The following PRKCA variants were observed in gnomAD, a reference collection of about 807,000 sequenced individuals.
PRKCA encodes the protein protein kinase C alpha type.
PRKCA carries 27 observed loss-of-function variants against 87.0 expected under a neutral mutation model. The observed-to-expected ratio is 0.31, with a 90% CI of 0.23 to 0.43. The LOEUF is 0.43. Ranked by LOEUF, PRKCA falls within the 20% of genes least tolerant of loss-of-function variation. The pLI is 1.00. For missense variants in PRKCA, 518 were observed against 852.3 expected, an observed-to-expected ratio of 0.61 and a Z score of 4.88; for synonymous variants, 329 against 311.1, an observed-to-expected ratio of 1.06 and a Z score of -0.61.
chr17:66,570,601 A>T (rs543679389), intron 3 of PRKCA, among the ~76,000 whole-genome samples: 3 of 152,152 alleles, frequency 2.0e-5, no homozygotes, highest in African/African-American at 7.2e-5. Context: ...ATATTGCTAA[A>T]TCACTTTCTT....
In PRKCA at chr17:66,435,495, C is replaced by T. The variant is rs935425041; in HGVS notation, c.206-60706C>T. The stretch of plus-strand genomic sequence containing the variant: ...GACGCACTCACGGAATCACAGATGC[C>T]GCCTACAAAAGGTATCTATAAGGTA... On this transcript the variant is annotated intron_variant, in intron 2 of 16. Coordinates refer to ENST00000413366, the MANE Select transcript of PRKCA (RefSeq NM_002737.3). Among the ~76,000 whole-genome samples the T allele has an allele frequency of 2.0e-5, 3 of 152,086 alleles. 1 individual carries two copies. Among genetic ancestry groups the T allele is most frequent in the South Asian group, 4.1e-4 (2 of 4,824 alleles).
intron 3 of PRKCA, among the ~76,000 whole-genome samples, chr17:66,547,024 T>C (rs529510138): frequency 6.6e-6 from 1 of 152,336 alleles, no homozygotes; most frequent in South Asian, 2.1e-4. Flanking sequence ...CTACTACTAC[T>C]GACTAAGGTG....
intron 2 of PRKCA, among the ~76,000 whole-genome samples, chr17:66,321,879 G>A (rs1905691450): frequency 6.6e-6 from 1 of 152,134 alleles, no homozygotes; most frequent in African/African-American, 2.4e-5. Context: ...GAAGGGCTGA[G>A]GGGACTTGTA....
At chr17:66,744,468 G>T (rs962970034) in intron 13 of PRKCA, among the ~76,000 whole-genome samples, 3 of 152,152 alleles carry the variant, frequency 2.0e-5, no homozygotes, top group Admixed American at 1.3e-4. Context: ...TAGGAATAAA[G>T]GTGGCATTGA....
chr17:66,444,035 C>G (rs1442650435), intron 2 of PRKCA, among the ~76,000 whole-genome samples: 2 of 152,146 alleles, frequency 1.3e-5, no homozygotes, highest in Non-Finnish European at 2.9e-5. Flanking sequence ...GTCTCAGTTT[C>G]TCATTCTGTA....
At chr17:66,432,931 C>T (rs535715626) in intron 2 of PRKCA, among the ~76,000 whole-genome samples, 1 of 152,212 alleles carries the variant, frequency 6.6e-6, no homozygotes, top group Admixed American at 6.5e-5. Context: ...TTGTACCAAC[C>T]TAAGACCTTT....
chr17:66,713,213 G>A (rs759629318), intron 8 of PRKCA, among the ~76,000 whole-genome samples: 5 of 151,794 alleles, frequency 3.3e-5, no homozygotes, highest in Non-Finnish European at 7.4e-5. Flanking sequence ...CACCATGCCC[G>A]GCCAATTTTT....
intron 2 of PRKCA, among the ~76,000 whole-genome samples, chr17:66,370,549 CT>C (rs555797425): frequency 2.0e-3 from 223 of 113,672 alleles, no homozygotes; most frequent in African/African-American, 4.8e-3. Context: ...CTTTTCTTTT[CT>C]TTTTTTTTTT....
chr17:66,711,658 T>C lies in PRKCA; in HGVS notation c.919-21030T>C, dbSNP rs144614544. On this transcript the variant is annotated intron_variant, in intron 8 of 16. Coordinates refer to ENST00000413366, the MANE Select transcript of PRKCA (RefSeq NM_002737.3). Reference sequence around the variant, plus strand: ...GCCCAAGATTGTCGCAGTGCTTTTATGTTCGCATTAGATCAAACTGGAAAA... The same window carrying C: ...GCCCAAGATTGTCGCAGTGCTTTTACGTTCGCATTAGATCAAACTGGAAAA... Among the ~76,000 whole-genome samples the C allele has an allele frequency of 4.4e-3, 675 of 152,316 alleles. 9 individuals are homozygous for C. The highest frequency in any genetic ancestry group is 0.013 in the African/African-American group (552 of 41,572).
intron 5 of PRKCA, among the ~76,000 whole-genome samples, chr17:66,682,249 A>G (rs993171475): frequency 6.6e-6 from 1 of 152,242 alleles, no homozygotes; most frequent in Non-Finnish European, 1.5e-5. Context: ...AGGAAATTAT[A>G]TAACCTTCTA....
chr17:66,437,972 T>C (rs1392803989), intron 2 of PRKCA, among the ~76,000 whole-genome samples: 1 of 151,594 alleles, frequency 6.6e-6, no homozygotes, highest in Non-Finnish European at 1.5e-5. Flanking sequence ...TCAAGGATTC[T>C]GGACTAGGTG....
chr17:66,677,679 C>T (rs926855955), intron 5 of PRKCA, among the ~76,000 whole-genome samples: 1 of 152,232 alleles, frequency 6.6e-6, no homozygotes, highest in Admixed American at 6.5e-5. Context: ...AAATGTTCAA[C>T]CTTGAGCAGG....
rs539774871 is a variant in PRKCA at position 66,534,183 on chromosome 17, G to A, written c.288+37900G>A. Among the ~76,000 whole-genome samples the A allele has an allele frequency of 2.7e-5, 4 of 149,414 alleles. No individual in the cohort carries two copies. The East Asian group carries it at 8.0e-4, about 30-fold the overall frequency. On this transcript the variant is annotated intron_variant, in intron 3 of 16. Coordinates refer to ENST00000413366, the MANE Select transcript of PRKCA (RefSeq NM_002737.3). ...TTGTTGGAGCCAAGTTTTTGTATTT[G>A]CATATTCCCCTCGGGTAGGAACTGG...
At position 66,302,869 on chromosome 17, in the gene PRKCA, G is replaced by A. The variant is rs1904583628; in HGVS notation, c.18G>A (p.Pro6=). The A allele has an allele frequency of 3.3e-6, 5 of 1,537,450 alleles. No individual in the cohort carries two copies. The highest frequency in any genetic ancestry group is 4.4e-6 in the Non-Finnish European group (5 of 1,134,696). Reference sequence around the variant, plus strand: ...GGGGGACCATGGCTGACGTTTTCCCGGGCAACGACTCCACGGCGTCTCAGG... The same window carrying A: ...GGGGGACCATGGCTGACGTTTTCCCAGGCAACGACTCCACGGCGTCTCAGG... MADVF[P]GNDSTASQDV... is the part of the protein sequence containing the mutation. Residue 6 remains proline (P), a synonymous_variant, in exon 1 of 17, where the codon CCG becomes CCA. Coordinates refer to ENST00000413366, the MANE Select transcript of PRKCA (RefSeq NM_002737.3).
chr17:66,605,367 C>T (rs1970175097), intron 3 of PRKCA, among the ~76,000 whole-genome samples: 2 of 152,170 alleles, frequency 1.3e-5, no homozygotes, highest in African/African-American at 2.4e-5. Flanking sequence ...GGTGGGAATA[C>T]ACCATATGTC....
intron 2 of PRKCA, among the ~76,000 whole-genome samples, chr17:66,316,987 A>G (rs1386320276): frequency 6.6e-6 from 1 of 152,026 alleles, no homozygotes; most frequent in Non-Finnish European, 1.5e-5. Context: ...CTAAAAATAC[A>G]AAAAATTAGC....
At chr17:66,791,508 G>C (rs146959547) in intron 16 of PRKCA, among the ~76,000 whole-genome samples, 293 of 152,356 alleles carry the variant, frequency 1.9e-3, no homozygotes, top group African/African-American at 6.7e-3. Context: ...AAAGCGGAGA[G>C]CGTCAAGGGC....
chr17:66,488,023 A>T (rs7216281), intron 2 of PRKCA, among the ~76,000 whole-genome samples: 2 of 152,184 alleles, frequency 1.3e-5, no homozygotes, highest in Non-Finnish European at 2.9e-5. Flanking sequence ...TGTCCAGACC[A>T]TAATGCCCTG....
intron 13 of PRKCA, among the ~76,000 whole-genome samples, chr17:66,771,201 C>T (rs562500062): frequency 6.6e-6 from 1 of 152,216 alleles, no homozygotes; most frequent in South Asian, 2.1e-4. Flanking sequence ...AACGGGGTTT[C>T]ACCATGTTGG....
Sources: gnomAD v4.1 joint callset for allele counts (sites outside exome capture counted in the v4.1 genomes callset) on GRCh38, gnomAD v4.1.1 for gene constraint, MANE v1.5 for transcripts, NCBI Gene and HGNC (gene_info 2026-07-23, HGNC 2026-07-21) for gene names.